The following NRXN2 variants were observed in gnomAD, a reference collection of about 807,000 sequenced individuals.
NRXN2 encodes the protein neurexin-2-beta.
A neutral mutation model predicts 128.8 loss-of-function variants in NRXN2; 29 were observed. The ratio of observed to expected loss-of-function variants is 0.23; its 90% confidence interval spans 0.17 to 0.31. The LOEUF (loss-of-function observed/expected upper bound fraction) is 0.31, where lower values mean the gene tolerates loss of function less well. NRXN2 is among the 10% of genes least tolerant of loss of function. The pLI, the probability that NRXN2 is intolerant of heterozygous loss-of-function variation, is 1.00. For missense variants in NRXN2, 1,881 were observed against 2,452.6 expected, an observed-to-expected ratio of 0.77 and a Z score of 4.92; for synonymous variants, 1,098 against 1,075.2, an observed-to-expected ratio of 1.02 and a Z score of -0.41.
chr11:64,683,325 G>A (rs2052561815), intron 6 of NRXN2, among the ~76,000 whole-genome samples: 1 of 152,170 alleles, frequency 6.6e-6, no homozygotes, highest in South Asian at 2.1e-4. Context: ...AGACACTACA[G>A]AAACTTGATT....
At chr11:64,617,986 A>G (rs2041791171) in intron 22 of NRXN2, among the ~76,000 whole-genome samples, 1 of 152,118 alleles carries the variant, frequency 6.6e-6, no homozygotes. Context: ...TGGGTGCTGG[A>G]ATGGCTATCA....
At position 64,623,417 on chromosome 11, in the gene NRXN2, C is replaced by G. The variant is rs865915019; in HGVS notation, c.3848-339G>C. 1.0e-4 allele frequency: 39 copies of G among 375,810 alleles called. No individual in the cohort carries two copies. Among genetic ancestry groups the G allele is most frequent in the African/African-American group, 7.0e-4 (34 of 48,674 alleles). 23.3% of individuals were successfully genotyped at this position (375,810 alleles called of 1,614,324 possible). A position where few individuals can be genotyped will look rare whatever the true frequency, so the allele number is the denominator to read the frequency against. On this transcript the variant is annotated intron_variant, in intron 20 of 22. Coordinates refer to ENST00000265459, the MANE Select transcript of NRXN2 (RefSeq NM_015080.4). This position sits in a 1 kb window ranked among gnomAD's most constrained non-coding sequence, Gnocchi z 4.9. ...CCTCTCCAGCTCCAAGGTCATCTCC[C>G]CTCTTCATCCTCTTCCCTCAGTCCA...
chr11:64,686,408 C>G (rs898548163), intron 5 of NRXN2, among the ~76,000 whole-genome samples: 3 of 152,328 alleles, frequency 2.0e-5, no homozygotes, highest in African/African-American at 7.2e-5. Context: ...TCCCTTCCTG[C>G]CCCTCCTCCA....
rs1460630265 is a variant in NRXN2, at chr11:64,713,137, G to A, written c.563C>T (p.Pro188Leu). The A allele has an allele frequency of 9.1e-6, 13 of 1,436,184 alleles. No homozygotes were observed. The South Asian group carries it at 9.6e-5, about 11-fold the overall frequency. 89.0% of individuals were successfully genotyped at this position (1,436,184 alleles called of 1,614,324 possible). A position where few individuals can be genotyped will look rare whatever the true frequency, so the allele number is the denominator to read the frequency against. ...LLANLKLGER[P>L]PALLGSQGLR... ...GCCCTGGCTGCCCAGCAGCGCGGGGGGCCGCTCGCCCAGCTTCAGGTTGGC... is the reference window on the plus strand; with the variant it reads ...GCCCTGGCTGCCCAGCAGCGCGGGGAGCCGCTCGCCCAGCTTCAGGTTGGC... The change falls in exon 2 of 23, where the codon CCC becomes CTC. Residue 188 changes from proline (P) to leucine (L), a missense_variant. By Grantham distance (98) the Pro-to-Leu change is moderately conservative. Coordinates refer to ENST00000265459, the MANE Select transcript of NRXN2 (RefSeq NM_015080.4).
rs1403236951 is a variant in NRXN2, at chr11:64,721,656, T to C, written c.-245+1315A>G. Among the ~76,000 whole-genome samples, 5 of 152,192 alleles carry C rather than the reference T, an allele frequency of 3.3e-5. No homozygotes were observed. The East Asian group carries it at 7.7e-4, about 24-fold the overall frequency. ...TTCTCCTTCCCTCTCCCTTCTTTCT[T>C]TCTCCTTCTCTGGCAGAAGACAGAG... On this transcript the variant is annotated intron_variant, in intron 1 of 22. Transcript: ENST00000265459.
chr11:64,613,708 C>T (rs961850778), intron 22 of NRXN2, among the ~76,000 whole-genome samples: 1 of 152,214 alleles, frequency 6.6e-6, no homozygotes, highest in Non-Finnish European at 1.5e-5. Context: ...GAATTAACTA[C>T]GGAGATCCGG....
intron 1 of NRXN2, among the ~76,000 whole-genome samples, chr11:64,715,611 G>C (rs1389347017): frequency 1.3e-5 from 2 of 152,102 alleles, no homozygotes; most frequent in Non-Finnish European, 2.9e-5. Context: ...AGCGTTGGGG[G>C]AGCCATCTCC....
rs769942666 is a variant in NRXN2 at position 64,632,432 on chromosome 11, G to A, written c.3586-1859C>T. Among the ~76,000 whole-genome samples, 12 of 152,146 alleles carry A rather than the reference G, an allele frequency of 7.9e-5. No homozygotes were observed. The highest frequency in any genetic ancestry group is 1.9e-4 in the East Asian group (1 of 5,200). On this transcript the variant is annotated intron_variant, in intron 18 of 22. Transcript: ENST00000265459. This position sits in a 1 kb window ranked among gnomAD's most constrained non-coding sequence, Gnocchi z 4.2. The stretch of plus-strand genomic sequence containing the variant: ...AGACTGACAACATCCCCAGGGAGAC[G>A]GGCTGATCATCTGCTCCCCACACAC...
chr11:64,700,688 T>C (rs1419773988), intron 2 of NRXN2, among the ~76,000 whole-genome samples: 1 of 152,100 alleles, frequency 6.6e-6, no homozygotes, highest in African/African-American at 2.4e-5. Flanking sequence ...TCCCTACCCA[T>C]CCCCAGCCTG....
At position 64,635,819 on chromosome 11, in the gene NRXN2, C is replaced by G. The variant is rs1302209626; in HGVS notation, c.3404-367G>C. 6.6e-6 allele frequency among the ~76,000 whole-genome samples: 1 copy of G among 152,124 alleles called. No homozygotes were observed. Among genetic ancestry groups the G allele is most frequent in the Non-Finnish European group, 1.5e-5 (1 of 68,000 alleles). On this transcript the variant is annotated intron_variant, in intron 17 of 22. Transcript: ENST00000265459. The surrounding 1 kb of genome is among the most constrained non-coding windows in gnomAD (Gnocchi z 4.8). ...CCAGGGGGCCCAGTCCTGACTAGCT[C>G]CACTTCTCCCAGGCCTGGCAGAGGT...
Position 64,651,588 on chromosome 11 carries a change from G to A in NRXN2, c.2585C>T (p.Thr862Met), listed in dbSNP as rs1439155528. The A allele has an allele frequency of 1.1e-5, 18 of 1,614,010 alleles. 1 individual carries two copies. The highest frequency in any genetic ancestry group is 6.7e-5 in the African/African-American group (5 of 74,900). ...AAACCGCCGCTCCGTCATGATGCCC[G>A]TCTCAATGTTGTGGAACTCCAGCCG... ...HMRLEFHNIE[T>M]GIMTERRFIS... Residue 862 changes from threonine (T) to methionine (M), a missense_variant, in exon 14 of 23, where the codon ACG becomes ATG. Around this residue, in one of 7 missense-constraint regions of NRXN2, gnomAD observed 390 missense variants for 599.6 expected, o/e 0.65. Transcript: ENST00000265459. This position sits in a 1 kb window ranked among gnomAD's most constrained non-coding sequence, Gnocchi z 5.9.
Position 64,713,407 on chromosome 11 carries a change from G to A in NRXN2, c.293C>T (p.Pro98Leu). The change falls in exon 2 of 23, where the codon CCG becomes CTG. Residue 98 changes from proline to leucine, a missense_variant. By Grantham distance (98) the Pro-to-Leu change is moderately conservative. This residue lies in a region of NRXN2 where 997 missense variants were observed against 1,240.8 expected (regional missense o/e 0.80). Coordinates refer to ENST00000265459, the MANE Select transcript of NRXN2 (RefSeq NM_015080.4). ...CGGCGTGTCCAGCTGCAGCGTGGCC[G>A]GCTCGGCGCACGAAAGCGTGAAGCG... Reference protein sequence around the residue: ...RLRFTLSCAEPATLQLDTPVA... With the variant: ...RLRFTLSCAELATLQLDTPVA... 1.3e-6 allele frequency: 2 copies of A among 1,488,214 alleles called. No homozygotes were observed. The highest frequency in any genetic ancestry group is 1.8e-6 in the Non-Finnish European group (2 of 1,124,526). The allele number at this position is 1,488,214 out of a possible 1,614,324, so 92.2% of individuals were successfully genotyped here.
chr11:64,617,747 C>G (rs193217026), intron 22 of NRXN2, among the ~76,000 whole-genome samples: 2 of 152,104 alleles, frequency 1.3e-5, no homozygotes, highest in African/African-American at 2.4e-5. Context: ...AGGCTCTGGG[C>G]GGCATGGCAT....
intron 15 of NRXN2, 70 bp downstream of exon 15, chr11:64,650,378 T>C (rs2047294116): frequency 6.6e-7 from 1 of 1,505,266 alleles, no homozygotes; most frequent in South Asian, 1.1e-5. Context: ...GTCGCAGGAA[T>C]GGGGTGATCT....
chr11:64,619,168 G>C (rs1172696301), intron 22 of NRXN2, among the ~76,000 whole-genome samples: 1 of 152,000 alleles, frequency 6.6e-6, no homozygotes, highest in African/African-American at 2.4e-5. Context: ...CCAACCTCCA[G>C]CCTTCTGGTA....
At chr11:64,657,862 C>T (rs1048705751) in intron 11 of NRXN2, among the ~76,000 whole-genome samples, 1 of 152,220 alleles carries the variant, frequency 6.6e-6, no homozygotes, top group Non-Finnish European at 1.5e-5. Flanking sequence ...CACATGTCTA[C>T]AGATGGGGGC....
chr11:64,620,287 C>T lies in NRXN2; in HGVS notation c.4252+7G>A. On this transcript the variant is annotated splice_region_variant and intron_variant, in intron 22 of 22. Coordinates refer to ENST00000265459, the MANE Select transcript of NRXN2 (RefSeq NM_015080.4). ...CCCGGGGCAGGGGAGGGGGGAAAGG[C>T]ACTCACCAGTACTGGGCTCACACTC... is the stretch of plus-strand genomic sequence containing the variant. 1.9e-6 allele frequency: 3 copies of T among 1,550,284 alleles called. No individual in the cohort carries two copies. The highest frequency in any genetic ancestry group is 1.7e-6 in the Non-Finnish European group (2 of 1,146,034).
intron 7 of NRXN2, among the ~76,000 whole-genome samples, chr11:64,674,028 ACT>A (rs1374894976): frequency 7.5e-6 from 1 of 134,024 alleles, no homozygotes; most frequent in African/African-American, 3.0e-5. Flanking sequence ...ACACAGCAAG[ACT>A]CTGTCTCCAA....
At chr11:64,700,858 AAT>A (rs1242378391) in intron 2 of NRXN2, among the ~76,000 whole-genome samples, 1 of 152,018 alleles carries the variant, frequency 6.6e-6, no homozygotes, top group Non-Finnish European at 1.5e-5. Flanking sequence ...TCTCACATTC[AAT>A]ATGTCTAGGG....
Sources: gnomAD v4.1 joint callset for allele counts (sites outside exome capture counted in the v4.1 genomes callset) on GRCh38, gnomAD v4.1.1 for gene constraint, gnomAD v4.1.1 regional missense constraint, Gnocchi (gnomAD v3.1) non-coding constraint, MANE v1.5 for transcripts, NCBI Gene and HGNC (gene_info 2026-07-23, HGNC 2026-07-21) for gene names.